The following ADAM10 variants were observed in gnomAD, a reference collection of about 807,000 sequenced individuals.
ADAM10 encodes disintegrin and metalloproteinase domain-containing protein 10.
Under a neutral mutation model 90.1 loss-of-function variants are expected in ADAM10, and 17 were observed. That is an observed-to-expected ratio of 0.19 (90% CI 0.13 to 0.28). The LOEUF is 0.28. ADAM10 is among the 10% of genes least tolerant of loss of function. The pLI, the probability that ADAM10 is intolerant of heterozygous loss-of-function variation, is 1.00. For synonymous variants in ADAM10, 310 were observed against 298.6 expected (o/e 1.04, Z -0.40); for missense variants, 610 against 914.3 (o/e 0.67, Z 4.29).
At chr15:58,616,250 GAT>G (rs1895612602) in intron 11 of ADAM10, among the ~76,000 whole-genome samples, 1 of 152,138 alleles carries the variant, frequency 6.6e-6, no homozygotes, top group Non-Finnish European at 1.5e-5. Context: ...AGAAACACTG[GAT>G]TAGAACTATA....
intron 2 of ADAM10, chr15:58,691,452 G>C (rs1381235038): frequency 1.5e-6 from 1 of 655,632 alleles, no homozygotes; most frequent in South Asian, 1.4e-5. Context: ...GTCACAGATG[G>C]ACTTCTGTGC....
At chr15:58,697,764 C>G (rs1488409059) in intron 2 of ADAM10, among the ~76,000 whole-genome samples, 1 of 152,194 alleles carries the variant, frequency 6.6e-6, no homozygotes, top group Non-Finnish European at 1.5e-5. Context: ...AGAATCAGCC[C>G]ACCTGGACCT....
At position 58,636,264 on chromosome 15, in the gene ADAM10, G is replaced by A. The variant is rs190904301; in HGVS notation, c.1013-2905C>T. ...TGCACTCCAGCCTGAGCAACAGAGC[G>A]AGACTTCGTTTCAAAAAAAAAAAAA... On this transcript the variant is annotated intron_variant, in intron 8 of 15. Transcript: ENST00000260408. Among the ~76,000 whole-genome samples the A allele has an allele frequency of 8.6e-3, 1,270 of 148,292 alleles. 19 individuals are homozygous for A. Among genetic ancestry groups the A allele is most frequent in the African/African-American group, 0.03 (1,200 of 39,746 alleles).
intron 11 of ADAM10, 37 bp downstream of exon 11, chr15:58,621,434 T>C (rs1012798865): frequency 6.2e-7 from 1 of 1,613,374 alleles, no homozygotes. Context: ...GAGGTAACTT[T>C]ACAAGAATGT....
At chr15:58,617,145 A>G (rs950570611) in intron 11 of ADAM10, among the ~76,000 whole-genome samples, 28 of 152,122 alleles carry the variant, frequency 1.8e-4, no homozygotes, top group African/African-American at 6.7e-4. Flanking sequence ...ATAAAAATAT[A>G]TCAACAAAAT....
intron 2 of ADAM10, among the ~76,000 whole-genome samples, chr15:58,705,611 C>G (rs765364923): frequency 1.3e-5 from 2 of 152,106 alleles, no homozygotes; most frequent in Non-Finnish European, 2.9e-5. Context: ...AATAGACATA[C>G]CAGAACCACC....
chr15:58,648,743 A>G (rs1387100739), intron 5 of ADAM10, among the ~76,000 whole-genome samples: 1 of 152,090 alleles, frequency 6.6e-6, no homozygotes, highest in East Asian at 1.9e-4. Context: ...TTTGCCTTAC[A>G]TATTCTGAAG....
chr15:58,621,449 A>C, intron 11 of ADAM10, 22 bp downstream of exon 11: 1 of 1,613,908 alleles, frequency 6.2e-7, no homozygotes. Flanking sequence ...GAATGTTAAC[A>C]TCACTGAAAT....
intron 9 of ADAM10, among the ~76,000 whole-genome samples, chr15:58,629,888 T>C (rs1896055347): frequency 6.6e-6 from 1 of 152,098 alleles, no homozygotes; most frequent in South Asian, 2.1e-4. Context: ...GACCTTAGCT[T>C]CTCGAGTAGC....
chr15:58,619,591 A>T (rs1020850444), intron 11 of ADAM10, among the ~76,000 whole-genome samples: 4 of 152,154 alleles, frequency 2.6e-5, no homozygotes, highest in Non-Finnish European at 4.4e-5. Context: ...AAATATGTAC[A>T]ATCATTATGT....
chr15:58,749,301 G>A (rs2140859526), intron 1 of ADAM10, among the ~76,000 whole-genome samples, 179 bp downstream of exon 1: 1 of 152,262 alleles, frequency 6.6e-6, no homozygotes, highest in Non-Finnish European at 1.5e-5. Flanking sequence ...CGCCACCGAA[G>A]GGAAAGCGGT....
intron 11 of ADAM10, among the ~76,000 whole-genome samples, chr15:58,619,878 T>A (rs1895729244): frequency 2.0e-5 from 3 of 151,128 alleles, no homozygotes; most frequent in South Asian, 4.2e-4. Context: ...CACCCCAGCC[T>A]GGGCGACAGT....
chr15:58,743,604 A>G (rs1016630808), intron 1 of ADAM10, among the ~76,000 whole-genome samples: 3 of 151,386 alleles, frequency 2.0e-5, no homozygotes, highest in Admixed American at 6.6e-5. Flanking sequence ...TTTAAACAAA[A>G]TACTTTTTTT....
intron 2 of ADAM10, among the ~76,000 whole-genome samples, chr15:58,701,021 A>G (rs1464533616): frequency 8.3e-6 from 1 of 121,196 alleles, no homozygotes; most frequent in African/African-American, 3.1e-5. Flanking sequence ...AAACAAAAAA[A>G]CAAAAAAAAA....
intron 4 of ADAM10, chr15:58,672,163 T>G (rs1897207731): frequency 6.6e-6 from 1 of 152,246 alleles, no homozygotes. Flanking sequence ...ATGAAAGCTT[T>G]TTTTATTTTC....
intron 14 of ADAM10, 82 bp from the exon 15 acceptor site, chr15:58,599,806 G>C: frequency 7.3e-7 from 1 of 1,370,506 alleles, no homozygotes; most frequent in Non-Finnish European, 1.0e-6. Flanking sequence ...ATAAAACATA[G>C]AATAGAACAC....
Position 58,749,641 on chromosome 15 carries a change from C to G in ADAM10, c.-107G>C. 5.9e-6 allele frequency: 9 copies of G among 1,527,234 alleles called. No homozygotes were observed. Among genetic ancestry groups the G allele is most frequent in the African/African-American group, 1.4e-5 (1 of 72,016 alleles). The allele number at this position is 1,527,234 out of a possible 1,614,324, so 94.6% of individuals were successfully genotyped here. A position where few individuals can be genotyped will look rare whatever the true frequency, so the allele number is the denominator to read the frequency against. Reference sequence around the variant, plus strand: ...TTGGTCCGGAGCCTCCACGGGAAGCCGGGACCTCCCCTGGCAGGAGAAACG... The same window carrying G: ...TTGGTCCGGAGCCTCCACGGGAAGCGGGGACCTCCCCTGGCAGGAGAAACG... On this transcript the variant is annotated 5_prime_UTR_variant, in exon 1 of 16. Transcript: ENST00000260408.
chr15:58,696,297 AAC>A (rs1897975881), intron 2 of ADAM10, among the ~76,000 whole-genome samples: 2 of 90,148 alleles, frequency 2.2e-5, no homozygotes. Context: ...CAAAAACAAC[AAC>A]AAAAAAAAAC....
At chr15:58,714,187 T>C (rs1898573350) in intron 2 of ADAM10, among the ~76,000 whole-genome samples, 1 of 152,112 alleles carries the variant, frequency 6.6e-6, no homozygotes, top group Non-Finnish European at 1.5e-5. Flanking sequence ...ACATGGCATA[T>C]AATATACTCT....
Sources: gnomAD v4.1 joint callset for allele counts (sites outside exome capture counted in the v4.1 genomes callset) on GRCh38, gnomAD v4.1.1 for gene constraint, MANE v1.5 for transcripts, NCBI Gene and HGNC (gene_info 2026-07-23, HGNC 2026-07-21) for gene names.